The following CPPED1 variants were observed in gnomAD, a reference collection of about 807,000 sequenced individuals.
The protein encoded by CPPED1 is calcineurin like phosphoesterase domain containing 1, also known as serine/threonine-protein phosphatase CPPED1.
A neutral mutation model predicts 28.0 loss-of-function variants in CPPED1; 28 were observed. The ratio of observed to expected loss-of-function variants is 1.00; its 90% CI spans 0.74 to 1.37. The LOEUF (loss-of-function observed/expected upper bound fraction) is 1.37, where lower values mean the gene tolerates loss of function less well. Ranked by LOEUF, CPPED1 falls within the 40% of genes most tolerant of loss-of-function variation. The pLI, the probability that CPPED1 is intolerant of heterozygous loss-of-function variation, is 0.00. For missense variants in CPPED1, 504 were observed against 416.5 expected, an observed-to-expected ratio of 1.21 and a Z score of -1.83; for synonymous variants, 198 against 180.2, an observed-to-expected ratio of 1.10 and a Z score of -0.79.
chr16:12,772,617 A>G (rs2080476374), intron 2 of CPPED1, among the ~76,000 whole-genome samples: 1 of 152,236 alleles, frequency 6.6e-6, no homozygotes, highest in African/African-American at 2.4e-5. Flanking sequence ...CAAAATTCAA[A>G]TATCAGATGT....
chr16:12,803,677 T>A, intron 1 of CPPED1, 30 bp downstream of exon 1: 2 of 1,473,418 alleles, frequency 1.4e-6, no homozygotes, highest in Non-Finnish European at 1.8e-6. Context: ...AGCCCCAGAG[T>A]CCCCTCCCCG....
chr16:12,731,737 A>T lies in CPPED1; in HGVS notation c.290-26688T>A, dbSNP rs550131037. Among the ~76,000 whole-genome samples the T allele has an allele frequency of 2.4e-4, 36 of 149,480 alleles. 1 individual carries two copies. Among genetic ancestry groups the T allele is most frequent in the Middle Eastern group, 3.4e-3 (1 of 290 alleles). On this transcript the variant is annotated intron_variant, in intron 2 of 3. Coordinates refer to ENST00000381774, the MANE Select transcript of CPPED1 (RefSeq NM_018340.3). ...CTCTTTTTCATTCTTTTTTTTTTTT[A>T]AATTGCACTTTTAAATGGAAGCAGG...
intron 2 of CPPED1, chr16:12,760,847 G>A (rs1360878364): frequency 1.3e-5 from 2 of 152,204 alleles, no homozygotes; most frequent in Admixed American, 1.3e-4. Context: ...ATGTGGCCCA[G>A]GGCTGGCAGG....
intron 1 of CPPED1, among the ~76,000 whole-genome samples, chr16:12,787,848 C>A (rs2080573615): frequency 1.3e-5 from 2 of 152,192 alleles, no homozygotes; most frequent in Non-Finnish European, 2.9e-5. Flanking sequence ...CTGTGGGAGT[C>A]TGGCATGGTT....
chr16:12,796,687 C>T (rs1042875538), intron 1 of CPPED1, among the ~76,000 whole-genome samples: 1 of 152,118 alleles, frequency 6.6e-6, no homozygotes, highest in Admixed American at 6.6e-5. Context: ...AAATATTAAA[C>T]ATAGTTACCG....
chr16:12,684,275 C>G (rs2079921225), intron 3 of CPPED1, among the ~76,000 whole-genome samples: 1 of 152,204 alleles, frequency 6.6e-6, no homozygotes. Flanking sequence ...CTTTGGGAGG[C>G]TGAGGTTGGA....
At chr16:12,751,132 A>G (rs1473489815) in intron 2 of CPPED1, among the ~76,000 whole-genome samples, 3 of 152,218 alleles carry the variant, frequency 2.0e-5, no homozygotes, top group Admixed American at 2.0e-4. Context: ...ATAAAAATAT[A>G]GAGAGATACA....
intron 2 of CPPED1, among the ~76,000 whole-genome samples, chr16:12,767,635 G>C (rs537765783): frequency 5.3e-5 from 8 of 152,322 alleles, no homozygotes; most frequent in Middle Eastern, 6.8e-3. Context: ...CATCCATGGA[G>C]CTCACACCCA....
intron 3 of CPPED1, among the ~76,000 whole-genome samples, chr16:12,688,906 G>A (rs1427567211): frequency 6.6e-6 from 1 of 152,216 alleles, no homozygotes; most frequent in Non-Finnish European, 1.5e-5. Context: ...ACGACACACA[G>A]TCACATGTGG....
intron 3 of CPPED1, among the ~76,000 whole-genome samples, chr16:12,680,140 C>A (rs1411442820): frequency 2.0e-5 from 3 of 152,158 alleles, no homozygotes; most frequent in Non-Finnish European, 4.4e-5. Context: ...AAGGTAATGT[C>A]TGCTTCCTAG....
At chr16:12,753,847 T>G (rs1169572557) in intron 2 of CPPED1, 1 of 152,198 alleles carries the variant, frequency 6.6e-6, no homozygotes, top group African/African-American at 2.4e-5. Context: ...TATCCAATCC[T>G]ATCTGGTGAC....
intron 2 of CPPED1, among the ~76,000 whole-genome samples, chr16:12,739,131 T>C (rs149135676): frequency 7.0e-4 from 107 of 152,206 alleles, no homozygotes; most frequent in African/African-American, 2.5e-3. Context: ...AAAATAAAAA[T>C]AGTAGCGCCT....
chr16:12,717,734 T>A (rs1248258178), intron 2 of CPPED1, among the ~76,000 whole-genome samples: 1 of 152,094 alleles, frequency 6.6e-6, no homozygotes. Context: ...CTCCACCTCC[T>A]GGGTTCAAGT....
rs2079802531 is a variant in CPPED1, at chr16:12,662,739, C to T, written c.*2147G>A. ...TTCTTTTTAGTGGCTGAATAGTATT[C>T]CATTATGTATACATACCACATGTTC... is the stretch of plus-strand genomic sequence containing the variant. On this transcript the variant is annotated 3_prime_UTR_variant, in exon 4 of 4. Coordinates refer to ENST00000381774, the MANE Select transcript of CPPED1 (RefSeq NM_018340.3). 6.6e-6 allele frequency: 1 copy of T among 152,202 alleles called. No homozygotes were observed. The highest frequency in any genetic ancestry group is 1.5e-5 in the Non-Finnish European group (1 of 68,038). 9.4% of individuals were successfully genotyped at this position (152,202 alleles called of 1,614,324 possible).
At chr16:12,733,760 T>G (rs1007680848) in intron 2 of CPPED1, among the ~76,000 whole-genome samples, 1 of 152,174 alleles carries the variant, frequency 6.6e-6, no homozygotes, top group Non-Finnish European at 1.5e-5. Flanking sequence ...TCCACAAAAT[T>G]AGCTCAACTC....
intron 1 of CPPED1, among the ~76,000 whole-genome samples, chr16:12,792,681 G>A (rs1220801894): frequency 1.3e-5 from 2 of 152,082 alleles, no homozygotes; most frequent in Non-Finnish European, 2.9e-5. Context: ...ATGGGGGCTG[G>A]TCTTTCCCAT....
At chr16:12,705,651 G>A (rs558186863) in intron 2 of CPPED1, among the ~76,000 whole-genome samples, 5 of 152,244 alleles carry the variant, frequency 3.3e-5, no homozygotes, top group South Asian at 2.1e-4. Flanking sequence ...CCAGCTACTC[G>A]GCAGGGTGAG....
intron 3 of CPPED1, among the ~76,000 whole-genome samples, chr16:12,683,030 C>T (rs896934194): frequency 1.3e-5 from 2 of 152,158 alleles, no homozygotes; most frequent in African/African-American, 2.4e-5. Flanking sequence ...GGTAGACAGA[C>T]GTGGCGGCCA....
In CPPED1 at chr16:12,781,137, A is replaced by G. The variant is rs201196208; in HGVS notation, c.289+48T>C. 220 of 1,548,660 alleles carry G rather than the reference A, an allele frequency of 1.4e-4. 1 individual carries two copies. The East Asian group carries it at 4.8e-3, about 34-fold the overall frequency. ...TTTTTTCTCCTGCCCAAATGCAGTCATGACCGGCTGAAGGAGAAAAGGTCA... is the reference window on the plus strand; with the variant it reads ...TTTTTTCTCCTGCCCAAATGCAGTCGTGACCGGCTGAAGGAGAAAAGGTCA... On this transcript the variant is annotated intron_variant, in intron 2 of 3. Transcript: ENST00000381774.
Sources: allele counts gnomAD v4.1 joint callset (sites outside exome capture counted in the v4.1 genomes callset), GRCh38; gene constraint gnomAD v4.1.1; transcripts MANE v1.5; gene names NCBI Gene and HGNC (gene_info 2026-07-23, HGNC 2026-07-21).